The following ACBD5 variants were observed in gnomAD, a reference collection of about 807,000 sequenced individuals.
The protein encoded by ACBD5 is acyl-CoA-binding domain-containing protein 5.
A neutral mutation model predicts 71.8 loss-of-function variants in ACBD5; 40 were observed. That is an observed-to-expected ratio of 0.56 (90% CI 0.43 to 0.72). The LOEUF (loss-of-function observed/expected upper bound fraction) is 0.72, where lower values mean the gene tolerates loss of function less well. Ranked by LOEUF, ACBD5 falls within the 30% of genes least tolerant of loss-of-function variation. The probability of loss-of-function intolerance (pLI) is 0.00; values close to 1 mark genes in which losing one functional copy is unlikely to be tolerated. For missense variants in ACBD5, 559 were observed against 644.5 expected (o/e 0.87, Z 1.44); for synonymous variants, 229 against 218.6 (o/e 1.05, Z -0.42).
chr10:27,225,750 G>T (rs1463423432), intron 4 of ACBD5, among the ~76,000 whole-genome samples: 8 of 151,928 alleles, frequency 5.3e-5, no homozygotes, highest in Non-Finnish European at 1.5e-5. Context: ...CTAATAAATG[G>T]CAGAGAAATA....
intron 9 of ACBD5, among the ~76,000 whole-genome samples, chr10:27,209,091 CTT>C (rs375546561): frequency 1.3e-5 from 2 of 148,642 alleles, no homozygotes; most frequent in African/African-American, 2.5e-5. Flanking sequence ...AATTCAAAGA[CTT>C]TTTTTTTTTT....
At chr10:27,190,177 C>T (rs1461721752) in intron 13 of ACBD5, among the ~76,000 whole-genome samples, 5 of 151,962 alleles carry the variant, frequency 3.3e-5, no homozygotes, top group Non-Finnish European at 7.4e-5. Flanking sequence ...CCCAGCTGCT[C>T]GGGAGGCTGA....
At chr10:27,216,406 G>C (rs1344081226) in intron 7 of ACBD5, among the ~76,000 whole-genome samples, 1 of 152,170 alleles carries the variant, frequency 6.6e-6, no homozygotes, top group Non-Finnish European at 1.5e-5. Context: ...CTCCCAAAGT[G>C]CTGGGATTAC....
In ACBD5 at chr10:27,208,968, G is replaced by C. The variant is rs368632546; in HGVS notation, c.1205-523C>G. Reference sequence around the variant, plus strand: ...GATATATTCTAAAATTTTTTGCTAAGGTTCTATAATATACATAATATACTA... The same window carrying C: ...GATATATTCTAAAATTTTTTGCTAACGTTCTATAATATACATAATATACTA... On this transcript the variant is annotated intron_variant, in intron 9 of 12. Coordinates refer to ENST00000396271, the MANE Select transcript of ACBD5 (RefSeq NM_145698.5). Among the ~76,000 whole-genome samples, 38 of 152,184 alleles carry C rather than the reference G, an allele frequency of 2.5e-4. 1 individual carries two copies. The South Asian group carries it at 7.3e-3, about 29-fold the overall frequency.
At chr10:27,194,582 A>T (rs1282841152), downstream of ACBD5, among the ~76,000 whole-genome samples, 1 of 149,706 alleles carries the variant, frequency 6.7e-6, no homozygotes, top group Non-Finnish European at 1.5e-5. Flanking sequence ...ACTGCAATCC[A>T]GCCTGGGCGG....
At chr10:27,228,805 A>ATTTT (rs1564691008) in intron 4 of ACBD5, among the ~76,000 whole-genome samples, 3 of 4,602 alleles carry the variant, frequency 6.5e-4, no homozygotes, top group African/African-American at 8.2e-4. Flanking sequence ...ATATATATAT[A>ATTTT]TATATATATA....
intron 9 of ACBD5, among the ~76,000 whole-genome samples, chr10:27,210,483 G>C (rs529629272): frequency 6.6e-6 from 1 of 152,070 alleles, no homozygotes. Context: ...TCAGGCGGCC[G>C]GGCACAGCTC....
intron 7 of ACBD5, among the ~76,000 whole-genome samples, chr10:27,216,483 T>A (rs1204175456): frequency 6.6e-6 from 1 of 151,596 alleles, no homozygotes. Flanking sequence ...ACATTGTTGG[T>A]CAGGCTGGTC....
At chr10:27,187,595 T>C (rs1210174153) in intron 13 of ACBD5, among the ~76,000 whole-genome samples, 1 of 151,614 alleles carries the variant, frequency 6.6e-6, no homozygotes, top group African/African-American at 2.4e-5. Flanking sequence ...CTACTAAAAA[T>C]AGAAAAATTA....
At chr10:27,191,524 G>C (rs931046815), downstream of ACBD5, among the ~76,000 whole-genome samples, 10 of 152,132 alleles carry the variant, frequency 6.6e-5, no homozygotes, top group African/African-American at 2.2e-4. Flanking sequence ...GGGGCGGGGG[G>C]AGAGGAGGGT....
downstream of ACBD5, among the ~76,000 whole-genome samples, chr10:27,190,767 A>G (rs1489320494): frequency 1.3e-5 from 2 of 152,196 alleles, no homozygotes; most frequent in African/African-American, 4.8e-5. Context: ...AGGAGACTGA[A>G]TAAAAGGCTT....
chr10:27,215,547 A>C lies in ACBD5; in HGVS notation c.924T>G (p.Phe308Leu), dbSNP rs1410145045. The C allele has an allele frequency of 6.2e-7, 1 of 1,612,496 alleles. No homozygotes were observed. Among genetic ancestry groups the C allele is most frequent in the South Asian group, 1.1e-5 (1 of 90,954 alleles). ...ATGTCATTTTTACCTCTTCTTGTCC[A>C]AATTGTTCCATAGAATCACAGTAAA... Reference protein sequence around the residue: ...SEVYCDSMEQFGQEESLDSFT... With the variant: ...SEVYCDSMEQLGQEESLDSFT... The change falls in exon 8 of 13, where the codon TTT becomes TTG. Residue 308 changes from phenylalanine to leucine, a missense_variant. Transcript: ENST00000396271.
chr10:27,220,743 C>A (rs190247180), intron 5 of ACBD5, among the ~76,000 whole-genome samples: 101 of 152,206 alleles, frequency 6.6e-4, no homozygotes, highest in Non-Finnish European at 1.1e-3. Context: ...CCAAAACAAT[C>A]TTGAAAAATA....
chr10:27,212,431 T>G (rs958229991), intron 8 of ACBD5, among the ~76,000 whole-genome samples: 4 of 152,182 alleles, frequency 2.6e-5, no homozygotes, highest in African/African-American at 9.6e-5. Context: ...AATCTCTATC[T>G]GGTCCCTTTC....
chr10:27,185,127 G>T (rs1257058557), intron 13 of ACBD5, among the ~76,000 whole-genome samples: 1 of 152,162 alleles, frequency 6.6e-6, no homozygotes, highest in African/African-American at 2.4e-5. Context: ...GATAAGGATG[G>T]AGCACAGGGA....
chr10:27,190,022 C>T (rs1168328155), intron 13 of ACBD5, among the ~76,000 whole-genome samples: 4 of 152,230 alleles, frequency 2.6e-5, no homozygotes, highest in East Asian at 1.9e-4. Context: ...TGGTGGCTTA[C>T]GCCTGTAATC....
chr10:27,208,040 T>C (rs2060654118), intron 10 of ACBD5, among the ~76,000 whole-genome samples: 1 of 152,182 alleles, frequency 6.6e-6, no homozygotes, highest in Non-Finnish European at 1.5e-5. Flanking sequence ...CAGCCATTTT[T>C]CTATTATTTT....
intron 9 of ACBD5, among the ~76,000 whole-genome samples, chr10:27,210,273 G>C (rs2060923376): frequency 6.6e-6 from 1 of 152,196 alleles, no homozygotes; most frequent in South Asian, 2.1e-4. Context: ...TCCCATAGCT[G>C]AACCTGCATC....
At position 27,210,956 on chromosome 10, in the gene ACBD5, A is replaced by C. The variant is rs763852795; in HGVS notation, c.1062T>G (p.Ile354Met). 7 of 1,613,984 alleles carry C rather than the reference A, an allele frequency of 4.3e-6. No individual in the cohort carries two copies. The African/African-American group carries it at 9.3e-5, about 22-fold the overall frequency. ...DIQVPPGNGN[I>M]GNMQVVAVEG... ...CAACTGCAACCACCTGCATATTCCC[A>C]ATGTTGCCATTTCCAGGAGGTACTT... is the stretch of plus-strand genomic sequence containing the variant. The change falls in exon 9 of 13, where the codon ATT becomes ATG. Residue 354 changes from isoleucine (I) to methionine (M), a missense_variant. By Grantham distance (10) the Ile-to-Met change is conservative. Coordinates refer to ENST00000396271, the MANE Select transcript of ACBD5 (RefSeq NM_145698.5).
Sources: gnomAD v4.1 joint callset for allele counts (sites outside exome capture counted in the v4.1 genomes callset) on GRCh38, gnomAD v4.1.1 for gene constraint, MANE v1.5 for transcripts, NCBI Gene and HGNC (gene_info 2026-07-23, HGNC 2026-07-21) for gene names.